ELAPOR1: variants seen among roughly 807,000 people sequenced by gnomAD.
ELAPOR1 encodes the protein endosome-lysosome associated apoptosis and autophagy regulator 1.
ELAPOR1 carries 77 observed loss-of-function variants against 119.7 expected under a neutral mutation model. That is an observed-to-expected ratio of 0.64 (90% CI 0.54 to 0.78). ELAPOR1 has a LOEUF of 0.78. Ranked by LOEUF, ELAPOR1 falls within the 30% of genes least tolerant of loss-of-function variation. The pLI is 0.00. For synonymous variants in ELAPOR1, 481 were observed against 487.2 expected (o/e 0.99, Z 0.17); for missense variants, 1,115 against 1,270.4 (o/e 0.88, Z 1.86).
chr1:109,142,895 A>T (rs533885716), intron 1 of ELAPOR1, among the ~76,000 whole-genome samples: 1 of 152,286 alleles, frequency 6.6e-6, no homozygotes, highest in East Asian at 1.9e-4. Context: ...AGTAGAAACA[A>T]CCCAAATGTC....
intron 1 of ELAPOR1, among the ~76,000 whole-genome samples, chr1:109,135,924 A>G (rs1208435558): frequency 1.3e-5 from 2 of 152,244 alleles, no homozygotes; most frequent in Non-Finnish European, 2.9e-5. Flanking sequence ...TCAAAGTCCA[A>G]GGACCATGAG....
intron 7 of ELAPOR1, among the ~76,000 whole-genome samples, chr1:109,183,972 G>A (rs1302213190): frequency 6.6e-6 from 1 of 151,926 alleles, no homozygotes; most frequent in African/African-American, 2.4e-5. Context: ...CGGGAGGATC[G>A]CTTGAGCCCA....
intron 15 of ELAPOR1, among the ~76,000 whole-genome samples, chr1:109,197,053 A>G (rs1455261350): frequency 6.6e-6 from 1 of 151,988 alleles, no homozygotes; most frequent in African/African-American, 2.4e-5. Flanking sequence ...TGTAATCCCA[A>G]CACTCTGGGA....
chr1:109,135,858 C>G (rs1649437555), intron 1 of ELAPOR1, among the ~76,000 whole-genome samples: 1 of 152,150 alleles, frequency 6.6e-6, no homozygotes, highest in Non-Finnish European at 1.5e-5. Context: ...TGGGACGAGA[C>G]AGTCTTTGAT....
Position 109,200,783 on chromosome 1 carries a change from C to T in ELAPOR1, c.2856C>T (p.Asp952=), listed in dbSNP as rs1450494505. The change falls in exon 21 of 22, where the codon GAC becomes GAT. Residue 952 remains aspartate, a synonymous_variant. Transcript: ENST00000369939. ...TGGTGATGAATGCTACTCTCAAGGA[C>T]TGTGACCTGCCAGCAGCTGACAGCT... The part of the protein sequence containing the change: ...SKLVMNATLK[D]CDLPAADSCA... The T allele has an allele frequency of 5.0e-6, 8 of 1,614,216 alleles. No individual in the cohort carries two copies. Among genetic ancestry groups the T allele is most frequent in the Non-Finnish European group, 5.1e-6 (6 of 1,180,034 alleles).
At chr1:109,175,089 A>G (rs7366043) in intron 7 of ELAPOR1, among the ~76,000 whole-genome samples, 151,900 of 152,122 alleles carry the variant, frequency 1, 75,839 homozygotes, top group Middle Eastern at 1. Context: ...CGAACTCCTG[A>G]CCTCAAAGTG....
intron 7 of ELAPOR1, among the ~76,000 whole-genome samples, chr1:109,182,364 TC>T (rs1652751898): frequency 6.8e-6 from 1 of 147,276 alleles, no homozygotes; most frequent in Non-Finnish European, 1.5e-5. Flanking sequence ...TAATAATAAT[TC>T]CCAAACATGC....
At chr1:109,147,035 A>G (rs1163664945) in intron 1 of ELAPOR1, among the ~76,000 whole-genome samples, 1 of 151,082 alleles carries the variant, frequency 6.6e-6, no homozygotes, top group Admixed American at 6.6e-5. Flanking sequence ...CCTCCGGAAT[A>G]GCTGGGATTA....
chr1:109,170,646 T>A (rs1651863566), intron 3 of ELAPOR1, among the ~76,000 whole-genome samples: 1 of 152,130 alleles, frequency 6.6e-6, no homozygotes, highest in Non-Finnish European at 1.5e-5. Flanking sequence ...GCATCAGGAA[T>A]TTGTACCCTA....
chr1:109,192,361 G>A (rs1159259234), intron 13 of ELAPOR1, among the ~76,000 whole-genome samples: 9 of 151,942 alleles, frequency 5.9e-5, no homozygotes, highest in Non-Finnish European at 1.5e-5. Flanking sequence ...TCATAAAACT[G>A]TATATATTAT....
intron 11 of ELAPOR1, among the ~76,000 whole-genome samples, chr1:109,189,911 C>T (rs1170312285): frequency 1.3e-5 from 2 of 152,242 alleles, no homozygotes; most frequent in Non-Finnish European, 2.9e-5. Flanking sequence ...TATAGCTTCT[C>T]CCAGCCATTA....
At chr1:109,188,426 G>C in intron 9 of ELAPOR1, 72 bp downstream of exon 9, 3 of 1,481,670 alleles carry the variant, frequency 2.0e-6, no homozygotes, top group Non-Finnish European at 2.8e-6. Context: ...ACTAACAGTG[G>C]CCAGCTGAAT....
chr1:109,192,938 G>A (rs1389551384), intron 14 of ELAPOR1, 64 bp downstream of exon 14: 4 of 1,552,954 alleles, frequency 2.6e-6, no homozygotes, highest in Non-Finnish European at 3.5e-6. Flanking sequence ...AGAAGATGCT[G>A]GGTCCTGGGT....
intron 1 of ELAPOR1, among the ~76,000 whole-genome samples, chr1:109,140,783 G>C (rs1055434171): frequency 2.0e-4 from 30 of 152,304 alleles, no homozygotes; most frequent in African/African-American, 7.0e-4. Flanking sequence ...TAAGTGTCCA[G>C]AATTTATGAA....
intron 1 of ELAPOR1, among the ~76,000 whole-genome samples, chr1:109,141,747 C>A (rs1274107984): frequency 2.0e-5 from 3 of 151,824 alleles, no homozygotes; most frequent in Admixed American, 2.0e-4. Flanking sequence ...CTCACTGCAG[C>A]CCTGACATCC....
At chr1:109,130,963 C>T (rs1484999335) in intron 1 of ELAPOR1, among the ~76,000 whole-genome samples, 1 of 152,140 alleles carries the variant, frequency 6.6e-6, no homozygotes, top group African/African-American at 2.4e-5. Flanking sequence ...CATAGCAAGA[C>T]TCTCTCTCTA....
At chr1:109,118,123 G>A (rs769607569) in intron 1 of ELAPOR1, among the ~76,000 whole-genome samples, 1 of 148,686 alleles carries the variant, frequency 6.7e-6, no homozygotes, top group African/African-American at 2.5e-5. Flanking sequence ...ATGAAACTCC[G>A]TCTCAAAAAA....
chr1:109,143,248 C>A (rs35742436), intron 1 of ELAPOR1, among the ~76,000 whole-genome samples: 12,864 of 152,218 alleles, frequency 0.085, 673 homozygotes, highest in Middle Eastern at 0.16. Flanking sequence ...TCATGCCTGG[C>A]CCATACAATG....
rs1346030964 is a variant in ELAPOR1 at position 109,192,496 on chromosome 1, A to G, written c.1684-115A>G. 3 of 1,123,498 alleles carry G rather than the reference A, an allele frequency of 2.7e-6. No individual in the cohort carries two copies. The African/African-American group carries it at 4.7e-5, about 18-fold the overall frequency. 69.6% of individuals were successfully genotyped at this position (1,123,498 alleles called of 1,614,324 possible). ...GTAAAAAGAGTCAGATGCTTCTCAGATTCTTCTTAAGTATCACAGGATAGA... is the reference window on the plus strand; with the variant it reads ...GTAAAAAGAGTCAGATGCTTCTCAGGTTCTTCTTAAGTATCACAGGATAGA... On this transcript the variant is annotated intron_variant, in intron 13 of 21. Coordinates refer to ENST00000369939, the MANE Select transcript of ELAPOR1 (RefSeq NM_020775.5).
Sources: allele counts gnomAD v4.1 joint callset (sites outside exome capture counted in the v4.1 genomes callset), GRCh38; gene constraint gnomAD v4.1.1; transcripts MANE v1.5; gene names NCBI Gene and HGNC (gene_info 2026-07-23, HGNC 2026-07-21).